NRG1: variants seen among roughly 807,000 people sequenced by gnomAD.
NRG1 encodes pro-neuregulin-1, membrane-bound isoform.
NRG1 carries 18 observed loss-of-function variants against 63.8 expected under a neutral mutation model. The observed-to-expected ratio is 0.28, with a 90% CI of 0.19 to 0.42. The LOEUF is 0.42. NRG1 is among the 10% of genes least tolerant of loss of function. The probability of loss-of-function intolerance (pLI) is 1.00; values close to 1 mark genes in which losing one functional copy is unlikely to be tolerated. For missense variants in NRG1, 762 were observed against 814.7 expected (o/e 0.94, Z 0.79); for synonymous variants, 302 against 301.3 (o/e 1.00, Z -0.02).
At chr8:32,754,327 A>G (rs373545071) in intron 7 of NRG1, 45 bp from the exon 8 acceptor site, 2 of 1,566,588 alleles carry the variant, frequency 1.3e-6, no homozygotes, top group African/African-American at 2.7e-5. Context: ...CAGTCCTGGC[A>G]AGTGGAAGTG....
At chr8:32,725,464 A>C (rs1002157598) in intron 5 of NRG1, among the ~76,000 whole-genome samples, 40 of 67,536 alleles carry the variant, frequency 5.9e-4, no homozygotes, top group Non-Finnish European at 7.9e-4. Context: ...AAACTTCCTA[A>C]TTTTTTTTTT....
intron 1 of NRG1, among the ~76,000 whole-genome samples, chr8:32,351,794 T>C: frequency 6.6e-6 from 1 of 152,326 alleles, no homozygotes; most frequent in East Asian, 1.9e-4. Context: ...GAAAGTGGTA[T>C]TTTTTACCAC....
chr8:31,647,347 G>A (rs536512746), intron 1 of NRG1, among the ~76,000 whole-genome samples: 2 of 152,310 alleles, frequency 1.3e-5, no homozygotes, highest in South Asian at 4.1e-4. Context: ...CCTGCAGGTG[G>A]GGTGGCATGT....
At chr8:32,177,897 A>C (rs1160417261) in intron 1 of NRG1, among the ~76,000 whole-genome samples, 1 of 152,078 alleles carries the variant, frequency 6.6e-6, no homozygotes. Context: ...AAGAGAAAGG[A>C]AGCAACACTT....
chr8:31,841,793 A>C (rs543409535), intron 1 of NRG1, among the ~76,000 whole-genome samples: 1 of 152,324 alleles, frequency 6.6e-6, no homozygotes, highest in South Asian at 2.1e-4. Flanking sequence ...AATTCAAGGA[A>C]TCATAGCCCC....
At chr8:32,478,872 T>A (rs1488244651) in intron 1 of NRG1, among the ~76,000 whole-genome samples, 1 of 152,220 alleles carries the variant, frequency 6.6e-6, no homozygotes, top group Non-Finnish European at 1.5e-5. Context: ...TTGTGGTGTG[T>A]GTCTTTACAT....
chr8:32,699,226 T>A (rs1814198516), intron 5 of NRG1, among the ~76,000 whole-genome samples: 1 of 151,864 alleles, frequency 6.6e-6, no homozygotes. Flanking sequence ...TTTGCATGGA[T>A]AAAAACTAAC....
At position 32,046,790 on chromosome 8, in the gene NRG1, A is replaced by G. The variant is rs551032884; in HGVS notation, c.37+407359A>G. 2.6e-5 allele frequency among the ~76,000 whole-genome samples: 4 copies of G among 152,160 alleles called. No individual in the cohort carries two copies. The East Asian group carries it at 7.7e-4, about 29-fold the overall frequency. On this transcript the variant is annotated intron_variant, in intron 1 of 10. Coordinates refer to the NRG1 transcript ENST00000519301. ...TGGGGTGGGGGAAAAGTGTGACTAC[A>G]AGGAGATAGCATGGGAGGTTTTGGG... is the stretch of plus-strand genomic sequence containing the variant.
chr8:32,496,537 C>G, intron 1 of NRG1, among the ~76,000 whole-genome samples: 1 of 152,086 alleles, frequency 6.6e-6, no homozygotes, highest in Non-Finnish European at 1.5e-5. Flanking sequence ...TTGCGGTGAG[C>G]TATGATTGAG....
At chr8:32,508,901 A>C (rs1239924369) in intron 1 of NRG1, among the ~76,000 whole-genome samples, 1 of 151,438 alleles carries the variant, frequency 6.6e-6, no homozygotes, top group Non-Finnish European at 1.5e-5. Context: ...TGCCCAAATA[A>C]TTTTTATATT....
chr8:32,714,824 G>A (rs1415868542), intron 5 of NRG1, among the ~76,000 whole-genome samples: 8 of 152,080 alleles, frequency 5.3e-5, no homozygotes, highest in Admixed American at 5.2e-4. Flanking sequence ...ACAAGCTCAA[G>A]CGCGTGCACG....
At chr8:32,754,402 T>G in exon 8 of NRG1, 1 of 1,613,868 alleles carries the variant, frequency 6.2e-7, no homozygotes, top group Non-Finnish European at 8.5e-7. Context: ...AAGAGAGTGC[T>G]GACCATAACC....
At chr8:31,714,669 T>C (rs1023582896) in intron 1 of NRG1, among the ~76,000 whole-genome samples, 1 of 152,202 alleles carries the variant, frequency 6.6e-6, no homozygotes, top group African/African-American at 2.4e-5. Context: ...ATCATCTATA[T>C]GCATCTATCC....
At chr8:32,635,657 A>G (rs1851207515) in intron 5 of NRG1, among the ~76,000 whole-genome samples, 1 of 152,116 alleles carries the variant, frequency 6.6e-6, no homozygotes, top group African/African-American at 2.4e-5. Context: ...TGTGCATGAG[A>G]TTTCTAAAAA....
At chr8:32,599,024 A>G (rs990835115) in intron 2 of NRG1, among the ~76,000 whole-genome samples, 3 of 152,086 alleles carry the variant, frequency 2.0e-5, no homozygotes, top group Non-Finnish European at 4.4e-5. Context: ...TAGATTTGAA[A>G]TAGGTCTGAC....
chr8:31,705,887 C>A (rs1811101962), intron 1 of NRG1, among the ~76,000 whole-genome samples: 1 of 151,966 alleles, frequency 6.6e-6, no homozygotes, highest in South Asian at 2.1e-4. Flanking sequence ...TTTTATGGTA[C>A]TTTTATGAGC....
chr8:32,303,056 C>T (rs996316751), intron 1 of NRG1, among the ~76,000 whole-genome samples: 8 of 151,664 alleles, frequency 5.3e-5, no homozygotes, highest in African/African-American at 1.9e-4. Flanking sequence ...GTGGCTGATG[C>T]CTGTAATCCC....
intron 1 of NRG1, among the ~76,000 whole-genome samples, chr8:32,251,061 T>C (rs1849045970): frequency 6.6e-6 from 1 of 151,954 alleles, no homozygotes; most frequent in Non-Finnish European, 1.5e-5. Flanking sequence ...TATTTATTAT[T>C]ATTATTATTA....
chr8:32,766,709 TGAA>T (rs1384839005), exon 12 of NRG1: 3 of 152,280 alleles, frequency 2.0e-5, no homozygotes, highest in Non-Finnish European at 4.4e-5. Context: ...ATATGAAAAT[TGAA>T]GACAAGAGGA....
Sources: gnomAD v4.1 joint callset for allele counts (sites outside exome capture counted in the v4.1 genomes callset) on GRCh38, gnomAD v4.1.1 for gene constraint, MANE v1.5 for transcripts, NCBI Gene and HGNC (gene_info 2026-07-23, HGNC 2026-07-21) for gene names.